The following NOTCH1 variants were observed in gnomAD, a reference collection of about 807,000 sequenced individuals.
The protein encoded by NOTCH1 is notch receptor 1, also known as neurogenic locus notch homolog protein 1.
A neutral mutation model predicts 254.8 loss-of-function variants in NOTCH1; 37 were observed. The ratio of observed to expected loss-of-function variants is 0.15; its 90% CI spans 0.11 to 0.19. The LOEUF is 0.19. Ranked by LOEUF, NOTCH1 falls within the 10% of genes least tolerant of loss-of-function variation. The probability of loss-of-function intolerance (pLI) is 1.00; values close to 1 mark genes in which losing one functional copy is unlikely to be tolerated. For synonymous variants in NOTCH1, 1,731 were observed against 1,618.1 expected, an observed-to-expected ratio of 1.07 and a Z score of -1.68; for missense variants, 2,972 against 3,708.6, an observed-to-expected ratio of 0.80 and a Z score of 5.16.
chr9:136,497,810 G>A (rs781481472), intron 33 of NOTCH1, among the ~76,000 whole-genome samples: 6 of 152,180 alleles, frequency 3.9e-5, no homozygotes, highest in Admixed American at 6.5e-5. Context: ...CTAGATCAGC[G>A]GGGCTCCACC....
Position 136,499,504 on chromosome 9 carries a change from C to T in NOTCH1, c.5935-245G>A, listed in dbSNP as rs546533094. Among the ~76,000 whole-genome samples the T allele has an allele frequency of 9.8e-5, 15 of 152,350 alleles. No homozygotes were observed. The South Asian group carries it at 1.9e-3, about 19-fold the overall frequency. On this transcript the variant is annotated intron_variant, in intron 31 of 33. Transcript: ENST00000651671. ...GTGACAGTGGGATCCATCGTGACCA[C>T]GTGTGGCCTCATTTAATCCTCACTG...
chr9:136,511,047 C>G, intron 16 of NOTCH1, 105 bp downstream of exon 16: 1 of 1,554,768 alleles, frequency 6.4e-7, no homozygotes, highest in Non-Finnish European at 8.8e-7. Flanking sequence ...TCAGCACCCA[C>G]CAGCTCCTCT....
chr9:136,499,389 C>G, intron 31 of NOTCH1, 130 bp from the exon 32 acceptor site: 2 of 1,366,770 alleles, frequency 1.5e-6, no homozygotes, highest in Non-Finnish European at 2.0e-6. Flanking sequence ...GAGATCGGCA[C>G]GGCCGGGCAA....
At chr9:136,516,587 T>C (rs1464700194) in intron 9 of NOTCH1, among the ~76,000 whole-genome samples, 1 of 152,230 alleles carries the variant, frequency 6.6e-6, no homozygotes, top group Non-Finnish European at 1.5e-5. Flanking sequence ...TGCATACCCT[T>C]GTCGCTGGCG....
rs576021628 is a variant in NOTCH1 at position 136,533,965 on chromosome 9, G to A, written c.141-9986C>T. On this transcript the variant is annotated intron_variant, in intron 2 of 33. Coordinates refer to ENST00000651671, the MANE Select transcript of NOTCH1 (RefSeq NM_017617.5). ...CTCCCTGGGCGGGTGCCTGTGGCTC[G>A]GGCCATGAGTCACGCTGGGTAACCC... Among the ~76,000 whole-genome samples the A allele has an allele frequency of 3.2e-4, 49 of 152,344 alleles. 1 individual carries two copies. Among genetic ancestry groups the A allele is most frequent in the South Asian group, 8.3e-4 (4 of 4,832 alleles).
chr9:136,518,910 C>CTG, intron 5 of NOTCH1, 86 bp from the exon 6 acceptor site: 2 of 1,221,932 alleles, frequency 1.6e-6, no homozygotes, highest in Non-Finnish European at 2.4e-6. Flanking sequence ...CAATGCCGCC[C>CTG]CCTCCAGGAA....
rs565412257 is a variant in NOTCH1, at chr9:136,502,379, C to T, written c.5277G>A (p.Lys1759=). 1.2e-6 allele frequency: 2 copies of T among 1,612,312 alleles called. No individual in the cohort carries two copies. The highest frequency in any genetic ancestry group is 2.2e-5 in the South Asian group (2 of 91,074). ...AGAGCTGGCCATGCTGCCGCCGGCG[C>T]TTGCGGGACAGCAGCACCCCGCAGC... ...FVGCGVLLSR[K]RRRQHGQLWF... Residue 1759 remains lysine, a synonymous_variant, in exon 28 of 34, where the codon AAG becomes AAA. Transcript: ENST00000651671.
Position 136,544,012 on chromosome 9 carries a change from G to A in NOTCH1, c.140+12C>T. On this transcript the variant is annotated intron_variant, in intron 2 of 33. Coordinates refer to ENST00000651671, the MANE Select transcript of NOTCH1 (RefSeq NM_017617.5). Reference sequence around the variant, plus strand: ...TCGACAAAGCAACAGGTCCCGCAGGGGTGGTACTCACACGCAGGCCTCCGT... The same window carrying A: ...TCGACAAAGCAACAGGTCCCGCAGGAGTGGTACTCACACGCAGGCCTCCGT... 6.4e-7 allele frequency: 1 copy of A among 1,566,506 alleles called. No individual in the cohort carries two copies. The highest frequency in any genetic ancestry group is 8.6e-7 in the Non-Finnish European group (1 of 1,156,206).
chr9:136,520,221 G>T (rs1312460323), intron 4 of NOTCH1, among the ~76,000 whole-genome samples: 1 of 152,168 alleles, frequency 6.6e-6, no homozygotes, highest in African/African-American at 2.4e-5. Flanking sequence ...GGCGCGTTCG[G>T]CAACAGCCAA....
intron 2 of NOTCH1, among the ~76,000 whole-genome samples, chr9:136,530,018 C>T (rs1317076388): frequency 6.6e-6 from 1 of 152,132 alleles, no homozygotes; most frequent in Non-Finnish European, 1.5e-5. Context: ...CTCCCAGGGC[C>T]CCAGGAAGGA....
chr9:136,507,571 C>G, intron 21 of NOTCH1, 134 bp from the exon 22 acceptor site: 2 of 1,261,176 alleles, frequency 1.6e-6, no homozygotes, highest in South Asian at 1.3e-5. Flanking sequence ...GCCCCTCGCT[C>G]CTGTCAGACC....
rs550212683 is a variant in NOTCH1, at chr9:136,504,727, C to A, written c.4964G>T (p.Gly1655Val). Reference sequence around the variant, plus strand: ...CCGCCGCCGCCCACCCTCGCTGCCACCAGGGAGCAGCGAGGCCTTCACCTG... The same window carrying A: ...CCGCCGCCGCCCACCCTCGCTGCCAACAGGGAGCAGCGAGGCCTTCACCTG... ...LGQVKASLLP[G>V]GSEGGRRRRE... is the part of the protein sequence containing the mutation. The change falls in exon 26 of 34, where the codon GGT becomes GTT. Residue 1655 changes from glycine to valine, a missense_variant. Transcript: ENST00000651671. The A allele has an allele frequency of 1.3e-6, 2 of 1,543,388 alleles. No homozygotes were observed. The highest frequency in any genetic ancestry group is 1.7e-6 in the Non-Finnish European group (2 of 1,143,140).
At chr9:136,527,778 G>A (rs1843488753) in intron 2 of NOTCH1, among the ~76,000 whole-genome samples, 1 of 152,212 alleles carries the variant, frequency 6.6e-6, no homozygotes, top group Admixed American at 6.5e-5. Context: ...CGGCGCTGGG[G>A]TAACCTGTCC....
At position 136,544,118 on chromosome 9, in the gene NOTCH1, A is replaced by G. The variant is rs1164452688; in HGVS notation, c.62-16T>C. Reference sequence around the variant, plus strand: ...CATCGCGGGCCTAGGCAGGGGCAGGAGAAGAGAGGTCAGTCTCACCCGCAC... The same window carrying G: ...CATCGCGGGCCTAGGCAGGGGCAGGGGAAGAGAGGTCAGTCTCACCCGCAC... On this transcript the variant is annotated splice_polypyrimidine_tract_variant and intron_variant, in intron 1 of 33. Coordinates refer to ENST00000651671, the MANE Select transcript of NOTCH1 (RefSeq NM_017617.5). The G allele has an allele frequency of 1.3e-6, 2 of 1,561,132 alleles. No homozygotes were observed. Among genetic ancestry groups the G allele is most frequent in the Non-Finnish European group, 1.7e-6 (2 of 1,153,626 alleles).
intron 33 of NOTCH1, among the ~76,000 whole-genome samples, chr9:136,498,137 C>T (rs780138249): frequency 4.6e-5 from 7 of 152,022 alleles, no homozygotes; most frequent in Admixed American, 1.3e-4. Context: ...GACTGGGGAG[C>T]GCCTGGGCCA....
At chr9:136,502,516 G>C (rs1296542497) in intron 27 of NOTCH1, 28 bp from the exon 28 acceptor site, 1 of 1,451,684 alleles carries the variant, frequency 6.9e-7, no homozygotes, top group African/African-American at 1.4e-5. Context: ...AGGGGCAGGT[G>C]CCCGGACATC....
At chr9:136,502,741 A>T in intron 27 of NOTCH1, 1 of 573,992 alleles carries the variant, frequency 1.7e-6, no homozygotes, top group South Asian at 2.1e-5. Context: ...AGGAAGGAGG[A>T]TTAGTCAACT....
chr9:136,516,665 A>C (rs1843278034), intron 9 of NOTCH1, among the ~76,000 whole-genome samples: 1 of 152,026 alleles, frequency 6.6e-6, no homozygotes, highest in African/African-American at 2.4e-5. Context: ...AGCCCTCAGA[A>C]AGCCAGGCTG....
chr9:136,532,973 T>TGCCGACAGCCCAGCCAGGCCC (rs1216718872), intron 2 of NOTCH1, among the ~76,000 whole-genome samples: 5 of 152,216 alleles, frequency 3.3e-5, no homozygotes, highest in African/African-American at 7.2e-5. Flanking sequence ...GCCCCAGGGC[T>TGCCGACAGCCCAGCCAGGCCC]GCCGACAGCC....
Sources: gnomAD v4.1 joint callset for allele counts (sites outside exome capture counted in the v4.1 genomes callset) on GRCh38, gnomAD v4.1.1 for gene constraint, MANE v1.5 for transcripts, NCBI Gene and HGNC (gene_info 2026-07-23, HGNC 2026-07-21) for gene names.